SRP54: variants seen among roughly 807,000 people sequenced by gnomAD.
The protein encoded by SRP54 is signal recognition particle 54, also known as signal recognition particle subunit SRP54.
A neutral mutation model predicts 64.8 loss-of-function variants in SRP54; 10 were observed. The observed-to-expected ratio is 0.15, with a 90% CI of 0.10 to 0.26. The LOEUF (loss-of-function observed/expected upper bound fraction) is 0.26. Ranked by LOEUF, SRP54 falls within the 10% of genes least tolerant of loss-of-function variation. The pLI is 1.00. For synonymous variants in SRP54, 193 were observed against 185.6 expected (o/e 1.04, Z -0.32); for missense variants, 325 against 613.7 (o/e 0.53, Z 4.97).
chr14:35,028,594 T>C (rs2044672246), intron 15 of SRP54, among the ~76,000 whole-genome samples: 2 of 152,184 alleles, frequency 1.3e-5, no homozygotes, highest in African/African-American at 4.8e-5. Flanking sequence ...CATCAAGAAA[T>C]TGTGACAATT....
At chr14:35,023,482 T>C (rs935602920) in intron 14 of SRP54, among the ~76,000 whole-genome samples, 5 of 152,102 alleles carry the variant, frequency 3.3e-5, no homozygotes, top group African/African-American at 9.7e-5. Context: ...TTGTCAAATA[T>C]TCTTCAAAAC....
chr14:34,996,718 A>G lies in SRP54; in HGVS notation c.9A>G (p.Leu3=). 6.2e-7 allele frequency: 1 copy of G among 1,613,026 alleles called. No individual in the cohort carries two copies. The highest frequency in any genetic ancestry group is 8.5e-7 in the Non-Finnish European group (1 of 1,179,070). The change falls in exon 2 of 16, where the codon CTA becomes CTG. Residue 3 remains leucine (L), a synonymous_variant. Coordinates refer to ENST00000216774, the MANE Select transcript of SRP54 (RefSeq NM_003136.4). ...ATCTTAAAGCTGTCAAGATGGTTCTAGCAGACCTTGGAAGAAAAATAACAT... is the reference window on the plus strand; with the variant it reads ...ATCTTAAAGCTGTCAAGATGGTTCTGGCAGACCTTGGAAGAAAAATAACAT... MV[L]ADLGRKITSA...
chr14:35,013,537 T>C (rs1452092439), intron 9 of SRP54, 43 bp downstream of exon 9: 1 of 1,583,524 alleles, frequency 6.3e-7, no homozygotes. Flanking sequence ...TGGGATTATA[T>C]GGGGAAGGAT....
At chr14:35,011,085 C>G (rs2044349992) in intron 7 of SRP54, among the ~76,000 whole-genome samples, 2 of 151,972 alleles carry the variant, frequency 1.3e-5, no homozygotes, top group African/African-American at 2.4e-5. Flanking sequence ...TTCCACTATG[C>G]CAGCTAGTTT....
At chr14:34,997,568 A>G (rs1026184061) in intron 2 of SRP54, among the ~76,000 whole-genome samples, 9 of 152,324 alleles carry the variant, frequency 5.9e-5, no homozygotes, top group Admixed American at 4.6e-4. Flanking sequence ...AGCATTTACC[A>G]TAGAAAATGG....
rs994443203 is a variant in SRP54 at position 35,029,320 on chromosome 14, C to T, written c.*168C>T. The T allele has an allele frequency of 6.0e-6, 3 of 495,950 alleles. No homozygotes were observed. The highest frequency in any genetic ancestry group is 3.3e-5 in the East Asian group (1 of 29,982). The allele number at this position is 495,950 out of a possible 1,614,324, so 30.7% of individuals were successfully genotyped here. On this transcript the variant is annotated 3_prime_UTR_variant, in exon 16 of 16. Transcript: ENST00000216774. ...CCCCTCCTTTTCTTTTTCCTTCCTT[C>T]TTTCCTCCCTTTAATATAAGGGAGA...
chr14:35,006,628 C>A (rs923061267), intron 4 of SRP54, among the ~76,000 whole-genome samples: 9 of 152,106 alleles, frequency 5.9e-5, no homozygotes, highest in Admixed American at 5.2e-4. Flanking sequence ...TTTTAAAATT[C>A]ATGTGTAGCC....
rs377509869 is a variant in SRP54, at chr14:34,999,663, A to G, written c.170+14A>G. The stretch of plus-strand genomic sequence containing the variant: ...AGAAAATGTTAAGTAAGTTAAATCA[A>G]TCAGGTAAAACACAGGCACAGTTTA... On this transcript the variant is annotated intron_variant, in intron 3 of 15. Transcript: ENST00000216774. The G allele has an allele frequency of 1.3e-5, 21 of 1,577,456 alleles. No homozygotes were observed. In the African/African-American group the frequency reaches 1.5e-4, roughly 11 times the overall value.
intron 1 of SRP54, among the ~76,000 whole-genome samples, chr14:34,984,754 G>A (rs1364402282): frequency 6.6e-6 from 1 of 151,960 alleles, no homozygotes; most frequent in African/African-American, 2.4e-5. Flanking sequence ...CGCCTGCTTC[G>A]GCCTCCCAAA....
At chr14:34,991,417 A>C (rs1334470305) in intron 1 of SRP54, among the ~76,000 whole-genome samples, 1 of 151,994 alleles carries the variant, frequency 6.6e-6, no homozygotes, top group African/African-American at 2.4e-5. Context: ...GGCATGAGCC[A>C]CCACACCTGG....
At chr14:34,988,149 T>C (rs1375181814) in intron 1 of SRP54, among the ~76,000 whole-genome samples, 3 of 152,178 alleles carry the variant, frequency 2.0e-5, no homozygotes, top group Non-Finnish European at 4.4e-5. Flanking sequence ...TGAAGATACA[T>C]CATTTTGTAA....
rs138974552 is a variant in SRP54 at position 35,014,719 on chromosome 14, A to C, written c.887-25A>C. 2.8e-5 allele frequency: 44 copies of C among 1,572,120 alleles called. No homozygotes were observed. The East Asian group carries it at 9.0e-4, about 32-fold the overall frequency. ...GAAGCAGGGTATAGTATTAGTTGTT[A>C]ATTTTTCTTTTTTGTATCTTATAGG... On this transcript the variant is annotated intron_variant, in intron 10 of 15. Coordinates refer to ENST00000216774, the MANE Select transcript of SRP54 (RefSeq NM_003136.4).
intron 4 of SRP54, among the ~76,000 whole-genome samples, chr14:35,004,023 T>G (rs1485224018): frequency 6.7e-6 from 1 of 150,334 alleles, no homozygotes; most frequent in Admixed American, 6.6e-5. Flanking sequence ...GGCAGGTGGA[T>G]CACCTGAGGT....
At chr14:35,007,797 C>T (rs961622206) in intron 5 of SRP54, among the ~76,000 whole-genome samples, 4 of 108,260 alleles carry the variant, frequency 3.7e-5, no homozygotes, top group African/African-American at 1.2e-4. Context: ...ATATTAATAA[C>T]ATATTAAGAT....
At chr14:34,987,749 C>A (rs886373603) in intron 1 of SRP54, among the ~76,000 whole-genome samples, 6 of 152,066 alleles carry the variant, frequency 3.9e-5, no homozygotes, top group African/African-American at 1.4e-4. Flanking sequence ...CATTCATGTA[C>A]AAGTATTTGG....
At chr14:35,006,827 T>C (rs988203037) in intron 4 of SRP54, among the ~76,000 whole-genome samples, 1 of 152,226 alleles carries the variant, frequency 6.6e-6, no homozygotes, top group African/African-American at 2.4e-5. Flanking sequence ...TTACTCTGTC[T>C]TTACAAAGGG....
Position 34,999,633 on chromosome 14 carries a change from C to A in SRP54, c.154C>A (p.Leu52Ile). 1 of 1,612,022 alleles carries A rather than the reference C, an allele frequency of 6.2e-7. No homozygotes were observed. Among genetic ancestry groups the A allele is most frequent in the Non-Finnish European group, 8.5e-7 (1 of 1,178,456 alleles). Residue 52 changes from leucine (L) to isoleucine (I), a missense_variant, in exon 3 of 16, where the codon CTA (leucine) becomes ATA (isoleucine). Leu to Ile is a conservative substitution (Grantham distance 5). Coordinates refer to ENST00000216774, the MANE Select transcript of SRP54 (RefSeq NM_003136.4). ...TGTTAATATTAAACTAGTGAAGCAA[C>A]TAAGAGAAAATGTTAAGTAAGTTAA... ...ADVNIKLVKQ[L>I]RENVKSAIDL...
chr14:35,014,608 T>G, intron 10 of SRP54, 136 bp from the exon 11 acceptor site: 1 of 651,342 alleles, frequency 1.5e-6, no homozygotes, highest in Non-Finnish European at 2.5e-6. Flanking sequence ...AGCTTTGGTT[T>G]TCTCATTTGT....
At chr14:35,004,893 T>C (rs751837585) in intron 4 of SRP54, among the ~76,000 whole-genome samples, 14 of 152,240 alleles carry the variant, frequency 9.2e-5, no homozygotes, top group Non-Finnish European at 1.6e-4. Context: ...CTCTCTTCTC[T>C]ACCTCATGGC....
Sources: allele counts gnomAD v4.1 joint callset (sites outside exome capture counted in the v4.1 genomes callset), GRCh38; gene constraint gnomAD v4.1.1; transcripts MANE v1.5; gene names NCBI Gene and HGNC (gene_info 2026-07-23, HGNC 2026-07-21).